The following NETO2 variants were observed in gnomAD, a reference collection of about 807,000 sequenced individuals.
The protein encoded by NETO2 is neuropilin and tolloid-like protein 2.
Under a neutral mutation model 62.5 loss-of-function variants are expected in NETO2, and 28 were observed. That is an observed-to-expected ratio of 0.45 (90% CI 0.33 to 0.61). The LOEUF (loss-of-function observed/expected upper bound fraction) is 0.61, where lower values mean the gene tolerates loss of function less well. NETO2 is among the 20% of genes least tolerant of loss of function. The pLI is 0.02. For synonymous variants in NETO2, 214 were observed against 219.1 expected (o/e 0.98, Z 0.21); for missense variants, 548 against 643.2 (o/e 0.85, Z 1.60).
At chr16:47,102,334 C>A (rs1354192943) in intron 7 of NETO2, among the ~76,000 whole-genome samples, 2 of 152,086 alleles carry the variant, frequency 1.3e-5, no homozygotes, top group African/African-American at 4.8e-5. Flanking sequence ...ACCATAAAAA[C>A]CCTAGAAGAA....
chr16:47,109,994 T>C (rs1473287180), intron 6 of NETO2, among the ~76,000 whole-genome samples: 1 of 152,192 alleles, frequency 6.6e-6, no homozygotes, highest in Non-Finnish European at 1.5e-5. Context: ...ATTTTTCTCA[T>C]TATAAAAGCA....
At chr16:47,094,616 A>G (rs1355381100) in intron 7 of NETO2, among the ~76,000 whole-genome samples, 2 of 152,030 alleles carry the variant, frequency 1.3e-5, no homozygotes, top group Admixed American at 6.5e-5. Context: ...TAGTAGAGAC[A>G]GGGTTTCACC....
chr16:47,126,210 C>G (rs979048513), intron 4 of NETO2, among the ~76,000 whole-genome samples: 3 of 152,128 alleles, frequency 2.0e-5, no homozygotes, highest in Admixed American at 1.3e-4. Flanking sequence ...TGAATAGCAG[C>G]TTTATTCATA....
At chr16:47,114,754 T>G (rs1359546730) in intron 6 of NETO2, among the ~76,000 whole-genome samples, 1 of 152,052 alleles carries the variant, frequency 6.6e-6, no homozygotes, top group African/African-American at 2.4e-5. Context: ...CCAGCCTGAA[T>G]TTTTCTTTTA....
chr16:47,113,782 A>C (rs1963852409), intron 6 of NETO2, among the ~76,000 whole-genome samples: 2 of 151,740 alleles, frequency 1.3e-5, no homozygotes, highest in South Asian at 4.2e-4. Context: ...CAGTAGAGAC[A>C]GGGTTTCACC....
intron 1 of NETO2, among the ~76,000 whole-genome samples, chr16:47,133,367 G>A (rs942195885): frequency 6.6e-6 from 1 of 151,424 alleles, no homozygotes; most frequent in Non-Finnish European, 1.5e-5. Flanking sequence ...CTTGAGCCCA[G>A]GAGTTCCAGA....
intron 6 of NETO2, among the ~76,000 whole-genome samples, chr16:47,122,190 C>G (rs527612170): frequency 6.6e-6 from 1 of 152,278 alleles, no homozygotes; most frequent in South Asian, 2.1e-4. Flanking sequence ...AATAAAAGCA[C>G]CCCATGAGTA....
At chr16:47,113,868 T>C (rs986706260) in intron 6 of NETO2, among the ~76,000 whole-genome samples, 7 of 152,116 alleles carry the variant, frequency 4.6e-5, no homozygotes, top group Non-Finnish European at 7.4e-5. Context: ...GCTGGGATTA[T>C]AGGCGTGAAC....
chr16:47,101,469 C>G (rs756391095), intron 7 of NETO2, among the ~76,000 whole-genome samples: 22 of 152,182 alleles, frequency 1.4e-4, no homozygotes, highest in Non-Finnish European at 2.8e-4. Context: ...AAAGTGTATT[C>G]AAACAGGAAG....
chr16:47,088,318 C>A (rs1963242215), intron 7 of NETO2, among the ~76,000 whole-genome samples: 1 of 152,102 alleles, frequency 6.6e-6, no homozygotes, highest in Non-Finnish European at 1.5e-5. Context: ...GTTGGCCAGG[C>A]TGGTCTTGAA....
chr16:47,117,951 G>T (rs1395522232), intron 6 of NETO2, among the ~76,000 whole-genome samples: 1 of 152,056 alleles, frequency 6.6e-6, no homozygotes, highest in Admixed American at 6.5e-5. Context: ...ATTAAAAAAA[G>T]ATTTTTGGAT....
intron 7 of NETO2, among the ~76,000 whole-genome samples, chr16:47,091,975 T>A (rs1451114704): frequency 1.3e-5 from 2 of 151,884 alleles, no homozygotes; most frequent in Non-Finnish European, 2.9e-5. Context: ...CCAGAGTAGC[T>A]GGAACCACAG....
intron 6 of NETO2, among the ~76,000 whole-genome samples, chr16:47,120,058 TAAG>T (rs1222752880): frequency 6.6e-6 from 1 of 152,224 alleles, no homozygotes; most frequent in Non-Finnish European, 1.5e-5. Context: ...TGTTAATTAC[TAAG>T]AAGTAAAAAA....
At chr16:47,142,576 A>T (rs528357726) in intron 1 of NETO2, among the ~76,000 whole-genome samples, 40 of 152,222 alleles carry the variant, frequency 2.6e-4, no homozygotes, top group East Asian at 5.8e-4. Flanking sequence ...CGAAATTTTT[A>T]AAAAAAGAAC....
intron 8 of NETO2, 74 bp from the exon 9 acceptor site, chr16:47,083,875 A>AT (rs1963126724): frequency 4.3e-6 from 5 of 1,166,876 alleles, no homozygotes; most frequent in Non-Finnish European, 6.0e-6. Context: ...TTAGTAAGGT[A>AT]TTTTTAGGTA....
At chr16:47,137,746 T>A (rs994150395) in intron 1 of NETO2, among the ~76,000 whole-genome samples, 2 of 152,204 alleles carry the variant, frequency 1.3e-5, no homozygotes, top group Non-Finnish European at 2.9e-5. Flanking sequence ...CAGCTCTCCA[T>A]CTGTTTTTTA....
rs1305909124 is a variant in NETO2, at chr16:47,080,660, C to A, written c.*2561G>T. The stretch of plus-strand genomic sequence containing the variant: ...TTCAATGAAGGTGTATAACATGTGA[C>A]AGGCTAAGGCTGGCTTAGCTATTGA... On this transcript the variant is annotated 3_prime_UTR_variant, in exon 9 of 9. Coordinates refer to ENST00000562435, the MANE Select transcript of NETO2 (RefSeq NM_018092.5). 6.6e-6 allele frequency: 1 copy of A among 152,178 alleles called. No individual in the cohort carries two copies. Among genetic ancestry groups the A allele is most frequent in the East Asian group, 1.9e-4 (1 of 5,202 alleles). 9.4% of individuals were successfully genotyped at this position (152,178 alleles called of 1,614,324 possible). A position where few individuals can be genotyped will look rare whatever the true frequency, so the allele number is the denominator to read the frequency against.
chr16:47,125,734 A>C (rs1180556379), intron 4 of NETO2, among the ~76,000 whole-genome samples: 1 of 152,162 alleles, frequency 6.6e-6, no homozygotes, highest in Non-Finnish European at 1.5e-5. Context: ...TCTGTCATCC[A>C]GGCTGGAGTG....
In NETO2 at chr16:47,128,312, A is replaced by G. The variant is rs1376928431; in HGVS notation, c.481+13T>C. 1 of 1,610,290 alleles carries G rather than the reference A, an allele frequency of 6.2e-7. No individual in the cohort carries two copies. ...GAGATGCCCAACCACTTAAAAGATA[A>G]CTTATTCTTTACCTGGAATAAATGA... On this transcript the variant is annotated intron_variant, in intron 4 of 8. Transcript: ENST00000562435.
Sources: allele counts gnomAD v4.1 joint callset (sites outside exome capture counted in the v4.1 genomes callset), GRCh38; gene constraint gnomAD v4.1.1; transcripts MANE v1.5; gene names NCBI Gene and HGNC (gene_info 2026-07-23, HGNC 2026-07-21).